Variants in TM9SF4 observed in about 807,000 individuals in gnomAD.
TM9SF4 encodes transmembrane 9 superfamily member 4.
In TM9SF4, 26 loss-of-function variants were observed where a neutral mutation model predicts 90.4. The ratio of observed to expected loss-of-function variants is 0.29; its 90% CI spans 0.21 to 0.40. The LOEUF (loss-of-function observed/expected upper bound fraction) is 0.40. Ranked by LOEUF, TM9SF4 falls within the 10% of genes least tolerant of loss-of-function variation. The probability of loss-of-function intolerance (pLI) is 1.00; values close to 1 mark genes in which losing one functional copy is unlikely to be tolerated. For missense variants in TM9SF4, 549 were observed against 834.8 expected (o/e 0.66, Z 4.22); for synonymous variants, 293 against 315.4 (o/e 0.93, Z 0.75).
At chr20:32,125,882 C>T (rs1279479809) in intron 1 of TM9SF4, among the ~76,000 whole-genome samples, 1 of 151,752 alleles carries the variant, frequency 6.6e-6, no homozygotes, top group African/African-American at 2.4e-5. Flanking sequence ...GTTGCCAAGG[C>T]TGGTCTCAAA....
chr20:32,157,912 C>T lies in TM9SF4; in HGVS notation c.1448C>T (p.Thr483Ile). Residue 483 changes from threonine (T) to isoleucine (I), a missense_variant, in exon 14 of 18, where the codon ACC becomes ATC. Around this residue, in one of 2 missense-constraint regions of TM9SF4, gnomAD observed 495 missense variants for 711.7 expected, o/e 0.70. Coordinates refer to ENST00000398022, the MANE Select transcript of TM9SF4 (RefSeq NM_014742.4). ...RKQPYDNPVR[T>I]NQIPRQIPEQ... ...CAGCCATATGACAACCCTGTGCGCA[C>T]CAACCAGATTCCCCGGCAGATCCCC... is the stretch of plus-strand genomic sequence containing the variant. 6.2e-7 allele frequency: 1 copy of T among 1,614,116 alleles called. No homozygotes were observed. The highest frequency in any genetic ancestry group is 8.5e-7 in the Non-Finnish European group (1 of 1,180,018).
At chr20:32,156,138 T>A (rs1487420442) in intron 13 of TM9SF4, among the ~76,000 whole-genome samples, 1 of 152,186 alleles carries the variant, frequency 6.6e-6, no homozygotes, top group Non-Finnish European at 1.5e-5. Context: ...ATAGATATAC[T>A]TACAAAAGAA....
At chr20:32,138,444 C>A (rs2046624768) in intron 3 of TM9SF4, among the ~76,000 whole-genome samples, 1 of 152,204 alleles carries the variant, frequency 6.6e-6, no homozygotes, top group Admixed American at 6.5e-5. Context: ...GCCTGGCCAA[C>A]ATACTAAAAT....
At chr20:32,113,073 C>A (rs2046170045) in intron 1 of TM9SF4, among the ~76,000 whole-genome samples, 1 of 152,126 alleles carries the variant, frequency 6.6e-6, no homozygotes, top group African/African-American at 2.4e-5. Context: ...GTGCGGTAGA[C>A]CTACTTTGGA....
intron 17 of TM9SF4, 139 bp from the exon 18 acceptor site, chr20:32,165,156 G>A (rs1480057682): frequency 1.5e-5 from 17 of 1,105,952 alleles, no homozygotes; most frequent in Admixed American, 1.9e-5. Flanking sequence ...CCTGCCTGCC[G>A]CTTGCCACCC....
intron 2 of TM9SF4, among the ~76,000 whole-genome samples, chr20:32,135,249 A>T (rs1600807916): frequency 6.6e-6 from 1 of 152,222 alleles, no homozygotes; most frequent in Non-Finnish European, 1.5e-5. Context: ...TTGAAAGAAT[A>T]TATCATAGTT....
intron 1 of TM9SF4, among the ~76,000 whole-genome samples, chr20:32,113,358 A>G (rs2046174787): frequency 1.3e-5 from 2 of 152,158 alleles, no homozygotes; most frequent in African/African-American, 4.8e-5. Context: ...CATAGAAGAT[A>G]GCTGGTGTAA....
chr20:32,129,274 C>T (rs2046474424), intron 1 of TM9SF4, among the ~76,000 whole-genome samples: 1 of 152,022 alleles, frequency 6.6e-6, no homozygotes, highest in Admixed American at 6.6e-5. Flanking sequence ...GGGAGGATTG[C>T]TTGAGCCCAG....
At chr20:32,115,767 A>C (rs1007403638) in intron 1 of TM9SF4, among the ~76,000 whole-genome samples, 1 of 146,754 alleles carries the variant, frequency 6.8e-6, no homozygotes, top group African/African-American at 2.5e-5. Flanking sequence ...CTTATATTAA[A>C]ATTTTTTATT....
In TM9SF4 at chr20:32,136,161, G is replaced by A; in HGVS notation, c.217G>A (p.Ala73Thr). Residue 73 changes from alanine (A) to threonine (T), a missense_variant, in exon 3 of 18, where the codon GCA becomes ACA. Ala to Thr is a moderately conservative substitution (Grantham distance 58). This residue lies in a region of TM9SF4 where 495 missense variants were observed against 711.7 expected (regional missense o/e 0.70). Coordinates refer to ENST00000398022, the MANE Select transcript of TM9SF4 (RefSeq NM_014742.4). ...CCAGCCCAGCAAGATAACCTACAAG[G>A]CAGAGAATCTGGGTAAGTTCTTCTC... ...FCQPSKITYK[A>T]ENLGEVLRGD... 5 of 1,614,100 alleles carry A rather than the reference G, an allele frequency of 3.1e-6. No individual in the cohort carries two copies. The highest frequency in any genetic ancestry group is 4.2e-6 in the Non-Finnish European group (5 of 1,180,000).
chr20:32,164,460 T>C (rs373487245), intron 17 of TM9SF4, among the ~76,000 whole-genome samples: 1 of 152,124 alleles, frequency 6.6e-6, no homozygotes, highest in East Asian at 1.9e-4. Context: ...TGTAGTGAGC[T>C]GTGATCATGC....
At chr20:32,143,710 A>G (rs183028062) in intron 6 of TM9SF4, among the ~76,000 whole-genome samples, 91 of 150,236 alleles carry the variant, frequency 6.1e-4, no homozygotes, top group African/African-American at 2.1e-3. Flanking sequence ...GATTTTGACC[A>G]TGTTGGTGGT....
chr20:32,150,727 C>CG (rs1569095753), intron 11 of TM9SF4, 24 bp downstream of exon 11: 1 of 1,614,186 alleles, frequency 6.2e-7, no homozygotes, highest in Admixed American at 1.7e-5. Context: ...AGTGGGCTCC[C>CG]GGGGGCGGCA....
At chr20:32,126,061 T>G (rs2046415087) in intron 1 of TM9SF4, among the ~76,000 whole-genome samples, 1 of 83,140 alleles carries the variant, frequency 1.2e-5, no homozygotes. Flanking sequence ...CAGCCCTCTT[T>G]CCCGTAAACA....
intron 1 of TM9SF4, among the ~76,000 whole-genome samples, chr20:32,126,727 C>G (rs1203237906): frequency 7.4e-6 from 1 of 135,938 alleles, no homozygotes; most frequent in African/African-American, 3.1e-5. Context: ...AGTTGGTGAA[C>G]TAATTTCTTT....
chr20:32,110,903 T>C (rs927355321), intron 1 of TM9SF4, among the ~76,000 whole-genome samples: 1 of 152,240 alleles, frequency 6.6e-6, no homozygotes, highest in Admixed American at 6.5e-5. Context: ...AATGATTTCC[T>C]GGGTCTTCCT....
rs1398262951 is a variant in TM9SF4 at position 32,165,683 on chromosome 20, A to G, written c.*239A>G. 9.0e-5 allele frequency: 46 copies of G among 512,394 alleles called. No individual in the cohort carries two copies. The Admixed American group carries it at 1.3e-3, about 14-fold the overall frequency. The allele number at this position is 512,394 out of a possible 1,614,324, so 31.7% of individuals were successfully genotyped here. A position where few individuals can be genotyped will look rare whatever the true frequency, so the allele number is the denominator to read the frequency against. On this transcript the variant is annotated 3_prime_UTR_variant, in exon 18 of 18. Transcript: ENST00000398022. ...TTTTTTTGTGGGTTGCTTTTTCTTC[A>G]GTGCTAAGAAAGTTCCCTCCAACAG...
At chr20:32,116,759 C>G (rs1238956742) in intron 1 of TM9SF4, 4 of 145,998 alleles carry the variant, frequency 2.7e-5, no homozygotes, top group Non-Finnish European at 6.0e-5. Flanking sequence ...CGGCTGGATT[C>G]TTGGTAAGCT....
intron 1 of TM9SF4, among the ~76,000 whole-genome samples, chr20:32,120,395 G>GTTTTTTTTTTTTTTTTTTTTTTTTTTT (rs34639926): frequency 8.6e-6 from 1 of 116,228 alleles, no homozygotes; most frequent in African/African-American, 3.4e-5. Flanking sequence ...TAAGTGGTGC[G>GTTTTTTTTTTTTTTTTTTTTTTTTTTT]TTTTTTTTTT....
Sources: gnomAD v4.1 joint callset for allele counts (sites outside exome capture counted in the v4.1 genomes callset) on GRCh38, gnomAD v4.1.1 for gene constraint, gnomAD v4.1.1 regional missense constraint, MANE v1.5 for transcripts, NCBI Gene and HGNC (gene_info 2026-07-23, HGNC 2026-07-21) for gene names.